CSMD1: variants seen among roughly 807,000 people sequenced by gnomAD.
CSMD1 encodes CUB and Sushi multiple domains 1, also known as CUB and sushi domain-containing protein 1.
Under a neutral mutation model 417.5 loss-of-function variants are expected in CSMD1, and 213 were observed. The observed-to-expected ratio is 0.51, with a 90% CI of 0.46 to 0.57. The LOEUF is 0.57. CSMD1 is among the 20% of genes least tolerant of loss of function. CSMD1 has a pLI of 0.00. For synonymous variants in CSMD1, 2,862 were observed against 1,736.8 expected (o/e 1.65, Z -16.11); for missense variants, 6,923 against 4,529.7 (o/e 1.53, Z -15.17).
intron 3 of CSMD1, among the ~76,000 whole-genome samples, chr8:4,295,301 T>TGCA (rs1190010636): frequency 4.6e-5 from 5 of 109,490 alleles, no homozygotes; most frequent in African/African-American, 1.5e-4. Context: ...CTTAAGATTA[T>TGCA]CTATATAATC....
chr8:4,758,132 C>T (rs1310292217), intron 1 of CSMD1, among the ~76,000 whole-genome samples: 1 of 152,052 alleles, frequency 6.6e-6, no homozygotes, highest in African/African-American at 2.4e-5. Flanking sequence ...GCAACATTGA[C>T]CAACCAAAAT....
intron 1 of CSMD1, among the ~76,000 whole-genome samples, chr8:4,855,678 A>C (rs1165474599): frequency 6.6e-6 from 1 of 152,210 alleles, no homozygotes; most frequent in Non-Finnish European, 1.5e-5. Flanking sequence ...TGGAAGATGA[A>C]ATGAATGAAA....
chr8:4,364,959 G>T (rs982537357), intron 3 of CSMD1, among the ~76,000 whole-genome samples: 28 of 150,892 alleles, frequency 1.9e-4, no homozygotes, highest in African/African-American at 6.3e-4. Context: ...ACGTGCAAGG[G>T]ATTTAATATG....
At chr8:3,388,722 A>C (rs5026898) in intron 17 of CSMD1, among the ~76,000 whole-genome samples, 8 of 152,142 alleles carry the variant, frequency 5.3e-5, no homozygotes, top group Admixed American at 3.9e-4. Flanking sequence ...CTATTGCCCT[A>C]AACAACAGAA....
At chr8:4,944,605 A>G (rs192874142) in intron 1 of CSMD1, among the ~76,000 whole-genome samples, 69 of 152,338 alleles carry the variant, frequency 4.5e-4, no homozygotes, top group African/African-American at 1.5e-3. Context: ...TGAAACATTA[A>G]TTCAAAAATG....
intron 2 of CSMD1, among the ~76,000 whole-genome samples, chr8:4,460,340 A>C (rs563503416): frequency 1.3e-5 from 2 of 152,140 alleles, no homozygotes; most frequent in Non-Finnish European, 2.9e-5. Context: ...GAAGAATTGC[A>C]TAGAGGGAAA....
At chr8:3,475,564 G>T (rs1347767207) in intron 11 of CSMD1, among the ~76,000 whole-genome samples, 1 of 152,060 alleles carries the variant, frequency 6.6e-6, no homozygotes, top group Non-Finnish European at 1.5e-5. Context: ...CTGTATTCCA[G>T]GTTCCTCATC....
intron 1 of CSMD1, among the ~76,000 whole-genome samples, chr8:4,894,158 A>T (rs1485683167): frequency 6.6e-6 from 1 of 152,064 alleles, no homozygotes; most frequent in African/African-American, 2.4e-5. Context: ...TTAACAGTGA[A>T]CAGTTTTTAT....
chr8:4,611,158 T>C (rs1195182429), intron 2 of CSMD1, among the ~76,000 whole-genome samples: 2 of 152,172 alleles, frequency 1.3e-5, no homozygotes, highest in Non-Finnish European at 2.9e-5. Flanking sequence ...CTTCTAGACC[T>C]CTCTATATGG....
intron 26 of CSMD1, among the ~76,000 whole-genome samples, chr8:3,273,715 T>C (rs2117169869): frequency 6.6e-6 from 1 of 152,312 alleles, no homozygotes; most frequent in South Asian, 2.1e-4. Context: ...CTAGTTTATT[T>C]GCATAGAGGT....
chr8:4,267,693 C>G (rs931753992), intron 3 of CSMD1, among the ~76,000 whole-genome samples: 1 of 152,040 alleles, frequency 6.6e-6, no homozygotes, highest in Non-Finnish European at 1.5e-5. Flanking sequence ...TCCTTAGTGT[C>G]TTACATGACT....
chr8:4,248,112 T>G (rs1250811774), intron 3 of CSMD1, among the ~76,000 whole-genome samples: 2 of 152,158 alleles, frequency 1.3e-5, no homozygotes, highest in African/African-American at 2.4e-5. Context: ...ATATTTCCAG[T>G]TTATTTTTTT....
At chr8:4,083,500 T>C (rs1054064165) in intron 3 of CSMD1, among the ~76,000 whole-genome samples, 2 of 152,068 alleles carry the variant, frequency 1.3e-5, no homozygotes, top group Non-Finnish European at 2.9e-5. Flanking sequence ...GAGATATAGA[T>C]CAATGGAACA....
chr8:4,952,553 T>C (rs1208131103), intron 1 of CSMD1, among the ~76,000 whole-genome samples: 2 of 152,118 alleles, frequency 1.3e-5, no homozygotes, highest in African/African-American at 4.8e-5. Context: ...AATATGATTT[T>C]TAAATTTTCA....
intron 10 of CSMD1, among the ~76,000 whole-genome samples, chr8:3,522,583 T>TTTTTATA (rs1797552831): frequency 6.6e-6 from 1 of 152,000 alleles, no homozygotes; most frequent in African/African-American, 2.4e-5. Context: ...ATGGGAACAC[T>TTTTTATA]ACTCATGTTT....
intron 3 of CSMD1, among the ~76,000 whole-genome samples, chr8:4,258,845 T>G (rs1438043721): frequency 6.6e-6 from 1 of 152,130 alleles, no homozygotes; most frequent in Non-Finnish European, 1.5e-5. Flanking sequence ...CCACTCCTCA[T>G]GGACAACGGC....
intron 2 of CSMD1, among the ~76,000 whole-genome samples, chr8:4,497,028 T>C (rs1348032802): frequency 1.3e-5 from 2 of 152,064 alleles, no homozygotes; most frequent in African/African-American, 2.4e-5. Context: ...TAAAATAAAA[T>C]ACCCATTTCC....
intron 3 of CSMD1, among the ~76,000 whole-genome samples, chr8:4,072,483 G>A (rs570299846): frequency 6.6e-6 from 1 of 152,112 alleles, no homozygotes; most frequent in African/African-American, 2.4e-5. Flanking sequence ...GTAGTGAAGG[G>A]AATTGTGACT....
At chr8:4,761,691 T>A (rs1040428141) in intron 1 of CSMD1, among the ~76,000 whole-genome samples, 32 of 152,248 alleles carry the variant, frequency 2.1e-4, no homozygotes, top group African/African-American at 7.7e-4. Context: ...GTGTTTTTGC[T>A]CAATTAAATG....
Sources: allele counts gnomAD v4.1 joint callset (sites outside exome capture counted in the v4.1 genomes callset), GRCh38; gene constraint gnomAD v4.1.1; transcripts MANE v1.5; gene names NCBI Gene and HGNC (gene_info 2026-07-23, HGNC 2026-07-21).